PARVA: variants seen among roughly 807,000 people sequenced by gnomAD.
PARVA encodes alpha-parvin.
A neutral mutation model predicts 52.6 loss-of-function variants in PARVA; 25 were observed. That is an observed-to-expected ratio of 0.48 (90% CI 0.35 to 0.66). The LOEUF is 0.66. Among genes scored for constraint, PARVA ranks in the 30% least tolerant of loss-of-function variants. The probability of loss-of-function intolerance (pLI) is 0.01; values close to 1 mark genes in which losing one functional copy is unlikely to be tolerated. For synonymous variants in PARVA, 185 were observed against 179.1 expected (o/e 1.03, Z -0.26); for missense variants, 373 against 450.9 (o/e 0.83, Z 1.56).
In PARVA at chr11:12,404,901, T is replaced by C. The variant is rs1433667549; in HGVS notation, c.136+27118T>C. Among the ~76,000 whole-genome samples, 4 of 152,308 alleles carry C rather than the reference T, an allele frequency of 2.6e-5. No homozygotes were observed. The East Asian group carries it at 5.8e-4, about 22-fold the overall frequency. ...CAAGGAGAAAACCCTGTAATGTAAT[T>C]GACATGGTTCTCCCAAGGTCCATAT... On this transcript the variant is annotated intron_variant, in intron 1 of 12. Transcript: ENST00000334956.
chr11:12,507,349 G>T (rs961029914), intron 6 of PARVA, among the ~76,000 whole-genome samples: 1 of 152,132 alleles, frequency 6.6e-6, no homozygotes, highest in Non-Finnish European at 1.5e-5. Context: ...GGTGCTGGTG[G>T]TGGAGGGACG....
intron 12 of PARVA, among the ~76,000 whole-genome samples, chr11:12,525,890 G>A (rs1941694073): frequency 6.6e-6 from 1 of 152,076 alleles, no homozygotes; most frequent in Admixed American, 6.5e-5. Flanking sequence ...GATAAGGCCT[G>A]GAGGGAGCAG....
intron 1 of PARVA, among the ~76,000 whole-genome samples, chr11:12,429,759 G>A (rs1384113314): frequency 6.6e-6 from 1 of 152,052 alleles, no homozygotes; most frequent in East Asian, 1.9e-4. Context: ...TGAAAAATCA[G>A]ACCTTGGCGA....
chr11:12,513,972 AG>A, intron 9 of PARVA, 24 bp from the exon 10 acceptor site: 2 of 1,607,802 alleles, frequency 1.2e-6, no homozygotes, highest in Non-Finnish European at 1.7e-6. Flanking sequence ...TCCCCAGCTT[AG>A]GGCCTGCTTT....
Position 12,486,300 on chromosome 11 carries a change from G to A in PARVA, c.400+8351G>A, listed in dbSNP as rs540641220. On this transcript the variant is annotated intron_variant, in intron 4 of 12. Transcript: ENST00000334956. ...TGTAATCTCAGCACTTTGGGAGGCC[G>A]AGGTGGGTGGATCACCTGAGGTCGG... Among the ~76,000 whole-genome samples, 12 of 152,266 alleles carry A rather than the reference G, an allele frequency of 7.9e-5. No homozygotes were observed. In the South Asian group the frequency reaches 1.2e-3, roughly 16 times the overall value.
At chr11:12,491,977 A>G (rs1476831133) in intron 4 of PARVA, among the ~76,000 whole-genome samples, 6 of 152,232 alleles carry the variant, frequency 3.9e-5, no homozygotes, top group South Asian at 2.1e-4. Context: ...TCTGACTACA[A>G]TGCAAGTTTC....
chr11:12,402,423 T>G (rs558177060), intron 1 of PARVA, among the ~76,000 whole-genome samples: 1 of 152,248 alleles, frequency 6.6e-6, no homozygotes. Context: ...AGTGGATATT[T>G]AGCATAGTAA....
upstream of PARVA, chr11:12,377,196 T>C (rs1188717399): frequency 4.3e-5 from 13 of 299,944 alleles, no homozygotes; most frequent in Non-Finnish European, 6.6e-5. Flanking sequence ...CAGGCAGTAG[T>C]GCTGGGGCAG....
intron 5 of PARVA, among the ~76,000 whole-genome samples, 175 bp downstream of exon 5, chr11:12,496,773 C>G (rs1238880426): frequency 6.6e-6 from 1 of 152,194 alleles, no homozygotes; most frequent in Non-Finnish European, 1.5e-5. Context: ...CCATCCATAC[C>G]CTTGGGGAAA....
intron 1 of PARVA, among the ~76,000 whole-genome samples, chr11:12,408,829 C>T (rs932981397): frequency 1.3e-5 from 2 of 152,098 alleles, no homozygotes; most frequent in Non-Finnish European, 2.9e-5. Context: ...GGGGTGGTCA[C>T]TTCAGAGCAG....
At chr11:12,470,083 T>TGCGTACGCACATGTGCGCACAC (rs1158507778) in intron 1 of PARVA, among the ~76,000 whole-genome samples, 2 of 152,232 alleles carry the variant, frequency 1.3e-5, no homozygotes, top group East Asian at 3.8e-4. Flanking sequence ...TGTGCGTGCA[T>TGCGTACGCACATGTGCGCACAC]GCGTACGCAC....
In PARVA at chr11:12,529,747, G is replaced by C. The variant is rs907857944; in HGVS notation, c.*1822G>C. On this transcript the variant is annotated 3_prime_UTR_variant, in exon 13 of 13. Coordinates refer to ENST00000334956, the MANE Select transcript of PARVA (RefSeq NM_018222.5). The stretch of plus-strand genomic sequence containing the variant: ...AGTAATTGAGGACCCATAAAATTTA[G>C]ATAACTACATGTCTTTGCTCTTAGA... The C allele has an allele frequency of 6.6e-6, 1 of 152,132 alleles. No individual in the cohort carries two copies. Among genetic ancestry groups the C allele is most frequent in the African/African-American group, 2.4e-5 (1 of 41,430 alleles). The allele number at this position is 152,132 out of a possible 1,614,324, so 9.4% of individuals were successfully genotyped here. A position where few individuals can be genotyped will look rare whatever the true frequency, so the allele number is the denominator to read the frequency against.
chr11:12,400,048 G>A (rs1005074943), intron 1 of PARVA, among the ~76,000 whole-genome samples: 13 of 151,546 alleles, frequency 8.6e-5, no homozygotes, highest in Admixed American at 2.0e-4. Context: ...GACCAGCCTG[G>A]GCAACATAGT....
chr11:12,440,880 A>G (rs926105240), intron 1 of PARVA, among the ~76,000 whole-genome samples: 1 of 152,216 alleles, frequency 6.6e-6, no homozygotes, highest in Non-Finnish European at 1.5e-5. Context: ...AAGGGTAAGA[A>G]TGATTAGGTT....
chr11:12,508,717 A>AT, intron 7 of PARVA, 75 bp downstream of exon 7: 1 of 1,167,678 alleles, frequency 8.6e-7, no homozygotes, highest in South Asian at 1.3e-5. Flanking sequence ...CCATTTGCTG[A>AT]TATTTAGTTT....
At chr11:12,480,416 C>G (rs999125449) in intron 4 of PARVA, 1 of 152,074 alleles carries the variant, frequency 6.6e-6, no homozygotes, top group African/African-American at 2.4e-5. Context: ...GGAGCCTCAC[C>G]ACGCATCTGT....
Position 12,519,068 on chromosome 11 carries a change from G to A in PARVA, c.1042+551G>A, listed in dbSNP as rs139345995. On this transcript the variant is annotated intron_variant, in intron 12 of 12. Coordinates refer to ENST00000334956, the MANE Select transcript of PARVA (RefSeq NM_018222.5). ...CTGCTAGGAGTGCACACGTGCATTCGTGAGCAGAGGAGGCACGCTTCTCTT... is the reference window on the plus strand; with the variant it reads ...CTGCTAGGAGTGCACACGTGCATTCATGAGCAGAGGAGGCACGCTTCTCTT... Among the ~76,000 whole-genome samples the A allele has an allele frequency of 2.0e-5, 3 of 152,360 alleles. No homozygotes were observed. The East Asian group carries it at 5.8e-4, about 29-fold the overall frequency.
At chr11:12,518,362 G>A in intron 11 of PARVA, 83 bp from the exon 12 acceptor site, 2 of 992,134 alleles carry the variant, frequency 2.0e-6, no homozygotes, top group Admixed American at 3.8e-5. Context: ...TGGCTACAGT[G>A]CTGGGCTCCT....
chr11:12,489,466 G>A (rs1589977717), intron 4 of PARVA, among the ~76,000 whole-genome samples: 1 of 152,124 alleles, frequency 6.6e-6, no homozygotes, highest in South Asian at 2.1e-4. Flanking sequence ...AATAGAAAAC[G>A]AGAAAGAGAA....
Sources: gnomAD v4.1 joint callset for allele counts (sites outside exome capture counted in the v4.1 genomes callset) on GRCh38, gnomAD v4.1.1 for gene constraint, MANE v1.5 for transcripts, NCBI Gene and HGNC (gene_info 2026-07-23, HGNC 2026-07-21) for gene names.